GHR: variants seen among roughly 807,000 people sequenced by gnomAD.
GHR encodes growth hormone receptor, also known as GH receptor.
A neutral mutation model predicts 67.1 loss-of-function variants in GHR; 35 were observed. That is an observed-to-expected ratio of 0.52 (90% CI 0.40 to 0.69). The LOEUF (loss-of-function observed/expected upper bound fraction) is 0.69. GHR is among the 30% of genes least tolerant of loss of function. The pLI is 0.00. For synonymous variants in GHR, 272 were observed against 269.1 expected, an observed-to-expected ratio of 1.01 and a Z score of -0.10; for missense variants, 792 against 764.6, an observed-to-expected ratio of 1.04 and a Z score of -0.42.
At chr5:42,544,746 A>C (rs1208150462) in intron 1 of GHR, among the ~76,000 whole-genome samples, 1 of 152,166 alleles carries the variant, frequency 6.6e-6, no homozygotes, top group African/African-American at 2.4e-5. Context: ...AAACCGTTCA[A>C]TCCATTCCAT....
At chr5:42,707,643 T>C (rs1758241831) in intron 6 of GHR, among the ~76,000 whole-genome samples, 1 of 152,014 alleles carries the variant, frequency 6.6e-6, no homozygotes, top group South Asian at 2.1e-4. Flanking sequence ...CAGTGTTTTA[T>C]AGTTCTACTT....
At chr5:42,644,080 A>G (rs1386384639) in intron 3 of GHR, among the ~76,000 whole-genome samples, 1 of 152,000 alleles carries the variant, frequency 6.6e-6, no homozygotes, top group East Asian at 1.9e-4. Context: ...AACTCTAATG[A>G]CATAATAGAT....
intron 2 of GHR, among the ~76,000 whole-genome samples, chr5:42,574,937 C>G (rs1054193856): frequency 2.0e-5 from 3 of 152,274 alleles, no homozygotes; most frequent in African/African-American, 7.2e-5. Context: ...ATGGCCACCA[C>G]TGAGCCCAAG....
At position 42,424,908 on chromosome 5, in the gene GHR, TGC is replaced by T; in HGVS notation, c.-12+961_-12+962del. ...AATGAGTGTACGTGTGCGCTGTGTGTGCGCGCGCGAGTGTGCGCCTGGGGAGG... is the reference window on the plus strand; with the variant it reads ...AATGAGTGTACGTGTGCGCTGTGTGTGCGCGCGAGTGTGCGCCTGGGGAGG... On this transcript the variant is annotated intron_variant, in intron 1 of 9. Coordinates refer to ENST00000230882, the MANE Select transcript of GHR (RefSeq NM_000163.5). This position sits in a 1 kb window ranked among gnomAD's most constrained non-coding sequence, Gnocchi z 4.1. 1.3e-5 allele frequency: 9 copies of T among 705,508 alleles called. No homozygotes were observed. The highest frequency in any genetic ancestry group is 1.4e-5 in the Non-Finnish European group (8 of 574,238). 43.7% of individuals were successfully genotyped at this position (705,508 alleles called of 1,614,324 possible).
chr5:42,469,229 A>G (rs1472810080), intron 1 of GHR, among the ~76,000 whole-genome samples: 1 of 152,220 alleles, frequency 6.6e-6, no homozygotes, highest in Non-Finnish European at 1.5e-5. Flanking sequence ...GGGTCCAGGG[A>G]ACTTAGGAAA....
intron 1 of GHR, among the ~76,000 whole-genome samples, chr5:42,520,813 A>G (rs1248076949): frequency 6.6e-6 from 1 of 152,098 alleles, no homozygotes; most frequent in Non-Finnish European, 1.5e-5. Context: ...CTTCACCCTC[A>G]GACTTTGACA....
At chr5:42,608,546 A>T (rs1048444867) in intron 2 of GHR, among the ~76,000 whole-genome samples, 1 of 152,160 alleles carries the variant, frequency 6.6e-6, no homozygotes, top group Non-Finnish European at 1.5e-5. Context: ...CAAAGGCATA[A>T]GTGACATACA....
intron 2 of GHR, among the ~76,000 whole-genome samples, chr5:42,593,191 T>C (rs1751882880): frequency 6.6e-6 from 1 of 152,282 alleles, no homozygotes; most frequent in Admixed American, 6.5e-5. Flanking sequence ...TATCATTTTC[T>C]TGGATGCAAA....
At chr5:42,504,792 G>A (rs1259078533) in intron 1 of GHR, among the ~76,000 whole-genome samples, 1 of 152,074 alleles carries the variant, frequency 6.6e-6, no homozygotes, top group East Asian at 1.9e-4. Flanking sequence ...GTAAAGGTAT[G>A]AAGTCTTTTC....
At chr5:42,477,195 C>T (rs1745374499) in intron 1 of GHR, among the ~76,000 whole-genome samples, 1 of 151,972 alleles carries the variant, frequency 6.6e-6, no homozygotes, top group Non-Finnish European at 1.5e-5. Flanking sequence ...ATCCATGTCC[C>T]TACAAAGGAC....
intron 1 of GHR, among the ~76,000 whole-genome samples, chr5:42,456,459 A>G (rs1427506100): frequency 1.3e-5 from 2 of 152,232 alleles, no homozygotes; most frequent in Non-Finnish European, 2.9e-5. Flanking sequence ...TTATAAATCT[A>G]TAGGTTAGTT....
chr5:42,512,950 T>G (rs965601992), intron 1 of GHR, among the ~76,000 whole-genome samples: 1 of 152,210 alleles, frequency 6.6e-6, no homozygotes, highest in African/African-American at 2.4e-5. Flanking sequence ...AGGTTATTAC[T>G]TTGATGTCCT....
chr5:42,707,871 A>C (rs1758257324), intron 6 of GHR, among the ~76,000 whole-genome samples: 1 of 152,108 alleles, frequency 6.6e-6, no homozygotes, highest in African/African-American at 2.4e-5. Flanking sequence ...TATTGTACCT[A>C]GTATTATTTT....
intron 3 of GHR, among the ~76,000 whole-genome samples, chr5:42,643,786 T>G (rs920068276): frequency 6.6e-6 from 1 of 152,112 alleles, no homozygotes; most frequent in African/African-American, 2.4e-5. Context: ...ATCATTTCTA[T>G]TCCCACAATT....
chr5:42,662,154 T>C (rs1755673100), intron 3 of GHR, among the ~76,000 whole-genome samples: 1 of 152,132 alleles, frequency 6.6e-6, no homozygotes, highest in Non-Finnish European at 1.5e-5. Flanking sequence ...ACAATAATAA[T>C]GGGAGACTTT....
chr5:42,689,195 C>G (rs535288982), intron 4 of GHR, among the ~76,000 whole-genome samples, 176 bp downstream of exon 4: 2 of 152,176 alleles, frequency 1.3e-5, no homozygotes, highest in Admixed American at 1.3e-4. Context: ...GTGCTGAGTA[C>G]TATTTTAGGC....
rs76333107 is a variant in GHR, at chr5:42,542,578, T to C, written c.-11-23286T>C. Among the ~76,000 whole-genome samples the C allele has an allele frequency of 7.5e-3, 1,147 of 152,262 alleles. 6 individuals are homozygous for C. Among genetic ancestry groups the C allele is most frequent in the Middle Eastern group, 0.031 (9 of 292 alleles). On this transcript the variant is annotated intron_variant, in intron 1 of 9. Transcript: ENST00000230882. ...TAATTTTAGTGCACACTTAAGGTGA[T>C]TCTTATCTTCCTGCAAAAATAGCTC...
intron 1 of GHR, among the ~76,000 whole-genome samples, chr5:42,526,366 G>A (rs561263639): frequency 6.6e-6 from 1 of 152,168 alleles, no homozygotes; most frequent in Admixed American, 6.5e-5. Context: ...TTGGAAGCTA[G>A]CAGAGGTTGG....
intron 1 of GHR, among the ~76,000 whole-genome samples, chr5:42,535,694 A>G (rs992896043): frequency 1.3e-5 from 2 of 151,994 alleles, no homozygotes; most frequent in African/African-American, 4.8e-5. Context: ...TTCTGTGAAG[A>G]ATGATGGTGG....
Sources: gnomAD v4.1 joint callset for allele counts (sites outside exome capture counted in the v4.1 genomes callset) on GRCh38, gnomAD v4.1.1 for gene constraint, Gnocchi (gnomAD v3.1) non-coding constraint, MANE v1.5 for transcripts, NCBI Gene and HGNC (gene_info 2026-07-23, HGNC 2026-07-21) for gene names.